UCHL5: variants seen among roughly 807,000 people sequenced by gnomAD.
UCHL5 encodes ubiquitin carboxyl-terminal hydrolase isozyme L5.
In UCHL5, 34 loss-of-function variants were observed where a neutral mutation model predicts 53.8. The observed-to-expected ratio is 0.63, with a 90% CI of 0.48 to 0.84. The LOEUF (loss-of-function observed/expected upper bound fraction) is 0.84. Among genes scored for constraint, UCHL5 ranks in the 40% least tolerant of loss-of-function variants. The pLI, the probability that UCHL5 is intolerant of heterozygous loss-of-function variation, is 0.00. For missense variants in UCHL5, 290 were observed against 385.6 expected (o/e 0.75, Z 2.08); for synonymous variants, 111 against 126.3 (o/e 0.88, Z 0.81).
chr1:193,059,233 G>A lies in UCHL5; in HGVS notation c.28C>T (p.Leu10Phe). 6.2e-7 allele frequency: 1 copy of A among 1,614,052 alleles called. No individual in the cohort carries two copies. The highest frequency in any genetic ancestry group is 8.5e-7 in the Non-Finnish European group (1 of 1,180,010). MTGNAGEWC[L>F]MESDPGVFTE... ...AAGACCCCGGGGTCGCTTTCCATGA[G>A]GCACCACTCCCCGGCATTGCCCGTC... The change falls in exon 1 of 11, where the codon CTC (leucine) becomes TTC (phenylalanine). Residue 10 changes from leucine (L) to phenylalanine (F), a missense_variant. Physicochemically the swap from Leu to Phe is conservative, Grantham distance 22 (BLOSUM62 0). Coordinates refer to ENST00000367454, the MANE Select transcript of UCHL5 (RefSeq NM_001199261.3). The surrounding 1 kb of genome is among the most constrained non-coding windows in gnomAD (Gnocchi z 4.9).
In UCHL5 at chr1:193,058,977, C is replaced by T. The variant is rs558222093; in HGVS notation, c.76+208G>A. 2.0e-5 allele frequency among the ~76,000 whole-genome samples: 3 copies of T among 152,316 alleles called. No homozygotes were observed. The South Asian group carries it at 6.2e-4, about 32-fold the overall frequency. ...ACAAGACTGACACGATCCTTGCCCT[C>T]GTGGTGTGGCTCTACAAATTACTGT... On this transcript the variant is annotated intron_variant, in intron 1 of 10. Coordinates refer to ENST00000367454, the MANE Select transcript of UCHL5 (RefSeq NM_001199261.3).
chr1:193,028,238 C>G, intron 6 of UCHL5, 90 bp from the exon 7 acceptor site: 2 of 1,120,852 alleles, frequency 1.8e-6, no homozygotes, highest in Admixed American at 5.7e-5. Flanking sequence ...TATTTTTTTA[C>G]AAATATTTTA....
intron 3 of UCHL5, among the ~76,000 whole-genome samples, chr1:193,030,461 C>T (rs1660963050): frequency 1.3e-5 from 2 of 152,190 alleles, no homozygotes; most frequent in African/African-American, 4.8e-5. Context: ...TAGGCTATCT[C>T]TGTACATACA....
At chr1:193,042,663 C>A (rs748472155) in intron 3 of UCHL5, among the ~76,000 whole-genome samples, 12 of 152,144 alleles carry the variant, frequency 7.9e-5, no homozygotes, top group Admixed American at 3.3e-4. Flanking sequence ...CTACTCTTGT[C>A]CTACACTACT....
At position 193,051,791 on chromosome 1, in the gene UCHL5, T is replaced by C; in HGVS notation, c.103A>G (p.Ile35Val). 6.2e-7 allele frequency: 1 copy of C among 1,600,258 alleles called. No homozygotes were observed. The highest frequency in any genetic ancestry group is 8.5e-7 in the Non-Finnish European group (1 of 1,173,488). Residue 35 changes from isoleucine (I) to valine (V), a missense_variant, in exon 2 of 11, where the codon ATA becomes GTA. By Grantham distance (29) the Ile-to-Val change is conservative. Coordinates refer to ENST00000367454, the MANE Select transcript of UCHL5 (RefSeq NM_001199261.3). Reference sequence around the variant, plus strand: ...AAATTCTCAGGCTCTAAACTCCATATTTCTTCTACTTGGGCTCCTCGGCAA... The same window carrying C: ...AAATTCTCAGGCTCTAAACTCCATACTTCTTCTACTTGGGCTCCTCGGCAA... ...FGCRGAQVEE[I>V]WSLEPENFEK...
upstream of UCHL5, chr1:193,059,648 G>A (rs1298708164): frequency 7.2e-7 from 1 of 1,388,420 alleles, no homozygotes; most frequent in Non-Finnish European, 9.6e-7. The surrounding 1 kb of genome is among the most constrained non-coding windows in gnomAD (Gnocchi z 4.9). Context: ...ATCCCCGGCG[G>A]CAGTGGGGCT....
At chr1:193,035,415 C>G (rs948337155) in intron 3 of UCHL5, among the ~76,000 whole-genome samples, 4 of 151,424 alleles carry the variant, frequency 2.6e-5, no homozygotes, top group Non-Finnish European at 5.9e-5. Context: ...AGAAACCATA[C>G]AGGCCAGGAG....
intron 3 of UCHL5, among the ~76,000 whole-genome samples, chr1:193,040,770 A>C (rs1318147699): frequency 6.6e-6 from 1 of 152,246 alleles, no homozygotes; most frequent in Non-Finnish European, 1.5e-5. Context: ...TGAATGGATA[A>C]AGAAAATGTA....
At chr1:193,033,519 A>G (rs186393895) in intron 3 of UCHL5, among the ~76,000 whole-genome samples, 1,686 of 151,038 alleles carry the variant, frequency 0.011, 16 homozygotes, top group South Asian at 0.034. Context: ...TAAAGTATAC[A>G]ATATATATAT....
chr1:193,042,067 C>T (rs149274181), intron 3 of UCHL5, among the ~76,000 whole-genome samples: 1,846 of 151,712 alleles, frequency 0.012, 19 homozygotes, highest in South Asian at 0.034. Flanking sequence ...GATCATGCCA[C>T]TGCACTCCAG....
At chr1:193,030,259 A>G (rs1165242235) in intron 3 of UCHL5, among the ~76,000 whole-genome samples, 1 of 152,204 alleles carries the variant, frequency 6.6e-6, no homozygotes, top group African/African-American at 2.4e-5. Flanking sequence ...TTTAGATAGC[A>G]TTTACTATGT....
At chr1:193,041,091 A>G (rs1665413179) in intron 3 of UCHL5, among the ~76,000 whole-genome samples, 1 of 152,164 alleles carries the variant, frequency 6.6e-6, no homozygotes, top group Admixed American at 6.5e-5. Context: ...TAGGGTGCCT[A>G]TTGTTTACAA....
rs1320699906 is a variant in UCHL5, at chr1:193,022,907, C to T, written c.843+19G>A. ...GCTCTATATTAAAACATTAAAGGAA[C>T]ACATTTTTAAAAACATACCTTGTAT... On this transcript the variant is annotated intron_variant, in intron 9 of 10. Transcript: ENST00000367454. 1.9e-6 allele frequency: 3 copies of T among 1,541,120 alleles called. No homozygotes were observed. Among genetic ancestry groups the T allele is most frequent in the Non-Finnish European group, 2.7e-6 (3 of 1,116,066 alleles).
chr1:193,029,320 T>C lies in UCHL5; in HGVS notation c.435-11A>G. 1.9e-6 allele frequency: 3 copies of C among 1,612,778 alleles called. No individual in the cohort carries two copies. The highest frequency in any genetic ancestry group is 2.5e-6 in the Non-Finnish European group (3 of 1,179,524). On this transcript the variant is annotated splice_polypyrimidine_tract_variant and intron_variant, in intron 5 of 10. Coordinates refer to ENST00000367454, the MANE Select transcript of UCHL5 (RefSeq NM_001199261.3). ...TCAAACATTTGCTGTCTACAGTAAA[T>C]AAAAAAATAGTGAAACTCAAAGAAG...
At chr1:193,032,956 G>C (rs952380696) in intron 3 of UCHL5, among the ~76,000 whole-genome samples, 6 of 152,220 alleles carry the variant, frequency 3.9e-5, no homozygotes, top group Non-Finnish European at 8.8e-5. Context: ...AACCATTGTG[G>C]AAGACAGTGT....
chr1:193,031,353 C>T (rs906170715), intron 3 of UCHL5, among the ~76,000 whole-genome samples: 8 of 152,040 alleles, frequency 5.3e-5, no homozygotes, highest in East Asian at 1.9e-4. Context: ...AGTGAGGCTA[C>T]GGCAGAAAAG....
intron 1 of UCHL5, among the ~76,000 whole-genome samples, chr1:193,054,981 T>A (rs568639882): frequency 4.6e-5 from 7 of 152,296 alleles, no homozygotes; most frequent in Admixed American, 2.0e-4. Flanking sequence ...GCCATCTAGT[T>A]TTTTTACTGT....
chr1:193,026,117 T>C (rs1269570178), intron 7 of UCHL5, among the ~76,000 whole-genome samples: 1 of 147,004 alleles, frequency 6.8e-6, no homozygotes, highest in African/African-American at 2.5e-5. Flanking sequence ...TGACCCGTGA[T>C]CTAAATGTCA....
Position 193,013,291 on chromosome 1 carries a change from G to A in UCHL5, c.*3060C>T, listed in dbSNP as rs1434884473. ...ATGGGAGTAATCTCTGGAGACTTAA[G>A]CTTGAAACCGCTCCTCCAAACCTTC... is the stretch of plus-strand genomic sequence containing the variant. On this transcript the variant is annotated 3_prime_UTR_variant, in exon 11 of 11. Coordinates refer to ENST00000367454, the MANE Select transcript of UCHL5 (RefSeq NM_001199261.3). 2.6e-5 allele frequency: 4 copies of A among 152,172 alleles called. No individual in the cohort carries two copies. In the East Asian group the frequency reaches 5.8e-4, roughly 22 times the overall value. 9.4% of individuals were successfully genotyped at this position (152,172 alleles called of 1,614,324 possible). A position where few individuals can be genotyped will look rare whatever the true frequency, so the allele number is the denominator to read the frequency against.
Sources: gnomAD v4.1 joint callset for allele counts (sites outside exome capture counted in the v4.1 genomes callset) on GRCh38, gnomAD v4.1.1 for gene constraint, Gnocchi (gnomAD v3.1) non-coding constraint, MANE v1.5 for transcripts, NCBI Gene and HGNC (gene_info 2026-07-23, HGNC 2026-07-21) for gene names.